MDN1: variants seen among roughly 807,000 people sequenced by gnomAD.
The protein encoded by MDN1 is midasin.
MDN1 carries 266 observed loss-of-function variants against 669.2 expected under a neutral mutation model. The observed-to-expected ratio is 0.40, with a 90% CI of 0.36 to 0.44. The LOEUF (loss-of-function observed/expected upper bound fraction) is 0.44. Among genes scored for constraint, MDN1 ranks in the 20% least tolerant of loss-of-function variants. The pLI is 1.00. For missense variants in MDN1, 5,940 were observed against 6,754.0 expected, an observed-to-expected ratio of 0.88 and a Z score of 4.22; for synonymous variants, 2,385 against 2,457.1, an observed-to-expected ratio of 0.97 and a Z score of 0.87.
chr6:89,763,349 A>AAAAAAAAAAC (rs1562193868), intron 15 of MDN1, among the ~76,000 whole-genome samples: 1 of 139,296 alleles, frequency 7.2e-6, no homozygotes, highest in African/African-American at 2.7e-5. Flanking sequence ...AAAAAAAAAA[A>AAAAAAAAAAC]AAAAAAAATC....
At chr6:89,716,193 T>C (rs569860396) in intron 44 of MDN1, among the ~76,000 whole-genome samples, 4 of 152,328 alleles carry the variant, frequency 2.6e-5, no homozygotes, top group Admixed American at 1.3e-4. Context: ...GTTAACTGTA[T>C]ATGTACAATA....
intron 40 of MDN1, among the ~76,000 whole-genome samples, chr6:89,720,001 C>A (rs1054816883): frequency 1.3e-5 from 2 of 151,304 alleles, no homozygotes; most frequent in African/African-American, 2.4e-5. Flanking sequence ...ATTTAGCCCA[C>A]AGAAGTAGGG....
At chr6:89,649,356 CAT>C (rs1043818272) in intron 97 of MDN1, among the ~76,000 whole-genome samples, 1 of 152,204 alleles carries the variant, frequency 6.6e-6, no homozygotes, top group African/African-American at 2.4e-5. Context: ...TGCCCAAAGT[CAT>C]GTGTTAATAA....
chr6:89,688,856 C>T, intron 65 of MDN1, 48 bp from the exon 66 acceptor site: 3 of 1,480,804 alleles, frequency 2.0e-6, no homozygotes, highest in Non-Finnish European at 2.8e-6. Flanking sequence ...GTAAGTTGAT[C>T]TATCAACATG....
intron 59 of MDN1, among the ~76,000 whole-genome samples, chr6:89,698,117 T>C (rs929141738): frequency 2.0e-5 from 3 of 152,210 alleles, no homozygotes; most frequent in African/African-American, 7.2e-5. Context: ...ACTGTGGTCA[T>C]CTAAGACTTC....
chr6:89,719,534 G>A lies in MDN1; in HGVS notation c.5968-309C>T, dbSNP rs76265566. Among the ~76,000 whole-genome samples, 749 of 152,274 alleles carry A rather than the reference G, an allele frequency of 4.9e-3. 3 individuals carry two copies. The highest frequency in any genetic ancestry group is 0.01 in the Middle Eastern group (3 of 294). Reference sequence around the variant, plus strand: ...GTATTGAAATCTAGAGACAAAAAAAGAGTTGTTTGCTTTCATCATTGAAGA... The same window carrying A: ...GTATTGAAATCTAGAGACAAAAAAAAAGTTGTTTGCTTTCATCATTGAAGA... On this transcript the variant is annotated intron_variant, in intron 40 of 101. Transcript: ENST00000369393.
At position 89,761,763 on chromosome 6, in the gene MDN1, C is replaced by T; in HGVS notation, c.2357-15G>A. On this transcript the variant is annotated splice_polypyrimidine_tract_variant and intron_variant, in intron 16 of 101. Transcript: ENST00000369393. Reference sequence around the variant, plus strand: ...TATGAGTAACCCTAAAAAAGAAAGACAAGAATTCAGCACACATTTTGAATT... The same window carrying T: ...TATGAGTAACCCTAAAAAAGAAAGATAAGAATTCAGCACACATTTTGAATT... The T allele has an allele frequency of 2.6e-6, 4 of 1,537,540 alleles. No homozygotes were observed. The highest frequency in any genetic ancestry group is 3.6e-6 in the Non-Finnish European group (4 of 1,117,538).
chr6:89,646,729 CAACT>C (rs981258986), intron 99 of MDN1, 126 bp from the exon 100 acceptor site: 2 of 737,104 alleles, frequency 2.7e-6, no homozygotes, highest in Non-Finnish European at 4.7e-6. Flanking sequence ...TACAGACCAT[CAACT>C]AACTGTCCCT....
At chr6:89,714,468 T>C (rs1263270189) in intron 46 of MDN1, 75 bp downstream of exon 46, 12 of 1,232,972 alleles carry the variant, frequency 9.7e-6, no homozygotes, top group Admixed American at 2.4e-5. Flanking sequence ...AAATCTTTGA[T>C]GAGCAGTCCA....
intron 76 of MDN1, among the ~76,000 whole-genome samples, 182 bp downstream of exon 76, chr6:89,677,388 C>T (rs1051252195): frequency 1.3e-5 from 2 of 152,138 alleles, no homozygotes; most frequent in African/African-American, 4.8e-5. Context: ...ACCACTGCAC[C>T]CAGCCTCACA....
chr6:89,714,329 TAA>T (rs1042324730), intron 46 of MDN1, among the ~76,000 whole-genome samples: 18 of 152,184 alleles, frequency 1.2e-4, no homozygotes, highest in African/African-American at 4.3e-4. Context: ...CAGAATGACA[TAA>T]GAAGCGTCTT....
In MDN1 at chr6:89,706,064, T is replaced by G; in HGVS notation, c.8143A>C (p.Asn2715His). Residue 2715 changes from asparagine to histidine, a missense_variant, in exon 53 of 102, where the codon AAT becomes CAT. Coordinates refer to ENST00000369393, the MANE Select transcript of MDN1 (RefSeq NM_014611.3). The stretch of plus-strand genomic sequence containing the variant: ...AACAAGATGCAGTTCCTTACCTCAT[T>G]GGCACTGGCATCAGACACCATTCCC... Reference protein sequence around the residue: ...SQGMVSDASANEILGSLRWRD... With the variant: ...SQGMVSDASAHEILGSLRWRD... The G allele has an allele frequency of 2.5e-6, 4 of 1,602,790 alleles. No homozygotes were observed. The highest frequency in any genetic ancestry group is 3.4e-6 in the Non-Finnish European group (4 of 1,173,776).
At chr6:89,743,553 G>GGAACACTTGCTGCTGGAC (rs764733919) in intron 30 of MDN1, 23 bp downstream of exon 30, 1 of 1,606,078 alleles carries the variant, frequency 6.2e-7, no homozygotes, top group East Asian at 2.2e-5. Flanking sequence ...TAAAATAACA[G>GGAACACTTGCTGCTGGAC]GAACACTTGC....
chr6:89,779,566 G>A (rs1325129551), intron 11 of MDN1, among the ~76,000 whole-genome samples: 1 of 152,122 alleles, frequency 6.6e-6, no homozygotes, highest in Non-Finnish European at 1.5e-5. Flanking sequence ...TTATCAAACA[G>A]ACTAAGAAAT....
At chr6:89,800,204 G>T (rs1767546684) in intron 2 of MDN1, among the ~76,000 whole-genome samples, 1 of 152,138 alleles carries the variant, frequency 6.6e-6, no homozygotes, top group Admixed American at 6.6e-5. Context: ...TAGGAGGGCA[G>T]ATCACCTGAG....
intron 33 of MDN1, among the ~76,000 whole-genome samples, chr6:89,733,797 A>G (rs1487644564): frequency 6.6e-6 from 1 of 152,152 alleles, no homozygotes; most frequent in Non-Finnish European, 1.5e-5. Flanking sequence ...AATTAAAAAA[A>G]TGAAAATGAA....
chr6:89,735,599 G>C lies in MDN1; in HGVS notation c.4723+2727C>G, dbSNP rs141569059. Among the ~76,000 whole-genome samples the C allele has an allele frequency of 2.4e-3, 370 of 152,078 alleles. 18 individuals carry two copies. The East Asian group carries it at 0.062, about 25-fold the overall frequency. On this transcript the variant is annotated intron_variant, in intron 33 of 101. Coordinates refer to ENST00000369393, the MANE Select transcript of MDN1 (RefSeq NM_014611.3). ...ATGGATAATATTACTACAGAGATTTGTGAACTAAAAATACTAGAGAAATTA... is the reference window on the plus strand; with the variant it reads ...ATGGATAATATTACTACAGAGATTTCTGAACTAAAAATACTAGAGAAATTA...
Position 89,756,296 on chromosome 6 carries a change from T to C in MDN1, c.2797A>G (p.Thr933Ala). The C allele has an allele frequency of 1.3e-6, 2 of 1,581,622 alleles. No individual in the cohort carries two copies. Among genetic ancestry groups the C allele is most frequent in the Non-Finnish European group, 1.7e-6 (2 of 1,160,774 alleles). The change falls in exon 20 of 102, where the codon ACA becomes GCA. Residue 933 changes from threonine to alanine, a missense_variant. Thr to Ala is a moderately conservative substitution (Grantham distance 58). Coordinates refer to ENST00000369393, the MANE Select transcript of MDN1 (RefSeq NM_014611.3). Reference protein sequence around the residue: ...YLKGLSVNKNTVQGIINFYTA... With the variant: ...YLKGLSVNKNAVQGIINFYTA... Reference sequence around the variant, plus strand: ...ACCTACTTTATGATTCCTTGCACTGTATTCTTGTTCACACTCAATCCTTTC... The same window carrying C: ...ACCTACTTTATGATTCCTTGCACTGCATTCTTGTTCACACTCAATCCTTTC...
At chr6:89,675,030 T>A (rs1811087256) in intron 78 of MDN1, among the ~76,000 whole-genome samples, 1 of 152,358 alleles carries the variant, frequency 6.6e-6, no homozygotes, top group East Asian at 1.9e-4. Context: ...TGGCTCAGAT[T>A]GCCATCTGGG....
Sources: gnomAD v4.1 joint callset for allele counts (sites outside exome capture counted in the v4.1 genomes callset) on GRCh38, gnomAD v4.1.1 for gene constraint, MANE v1.5 for transcripts, NCBI Gene and HGNC (gene_info 2026-07-23, HGNC 2026-07-21) for gene names.